CALB2: variants seen among roughly 807,000 people sequenced by gnomAD.
CALB2 encodes calbindin 2, also known as calretinin.
A neutral mutation model predicts 45.9 loss-of-function variants in CALB2; 34 were observed. The ratio of observed to expected loss-of-function variants is 0.74; its 90% CI spans 0.56 to 0.99. The LOEUF (loss-of-function observed/expected upper bound fraction) is 0.99, where lower values mean the gene tolerates loss of function less well. Among genes scored for constraint, CALB2 ranks in the 50% least tolerant of loss-of-function variants. The pLI, the probability that CALB2 is intolerant of heterozygous loss-of-function variation, is 0.00. For missense variants in CALB2, 344 were observed against 339.3 expected, an observed-to-expected ratio of 1.01 and a Z score of -0.11; for synonymous variants, 142 against 129.6, an observed-to-expected ratio of 1.10 and a Z score of -0.65.
At chr16:71,363,866 C>T (rs1434321880) in intron 1 of CALB2, among the ~76,000 whole-genome samples, 1 of 152,140 alleles carries the variant, frequency 6.6e-6, no homozygotes, top group Non-Finnish European at 1.5e-5. Flanking sequence ...ACACTGGGAA[C>T]CAAGATTAAA....
At chr16:71,388,799 G>T (rs191293512) in intron 10 of CALB2, among the ~76,000 whole-genome samples, 4 of 150,134 alleles carry the variant, frequency 2.7e-5, no homozygotes, top group Non-Finnish European at 5.9e-5. Context: ...TGGCCAACAT[G>T]GTGAAACCCC....
intron 3 of CALB2, among the ~76,000 whole-genome samples, chr16:71,375,104 G>A (rs1204223644): frequency 6.6e-6 from 1 of 152,236 alleles, no homozygotes; most frequent in African/African-American, 2.4e-5. Context: ...AAGTGGCAAG[G>A]CCAGCTGAAG....
At chr16:71,362,915 C>T (rs2042248577) in intron 1 of CALB2, among the ~76,000 whole-genome samples, 1 of 152,226 alleles carries the variant, frequency 6.6e-6, no homozygotes, top group Admixed American at 6.5e-5. Context: ...CACAGTGGCT[C>T]AGGCCTATAA....
At chr16:71,385,716 G>A (rs2042563239) in intron 10 of CALB2, 68 bp downstream of exon 10, 5 of 1,296,318 alleles carry the variant, frequency 3.9e-6, no homozygotes, top group East Asian at 2.3e-5. Context: ...CAGGAGAGGA[G>A]GGGAAAGGTG....
At chr16:71,366,333 T>G (rs1345244448) in intron 1 of CALB2, among the ~76,000 whole-genome samples, 11 of 42,882 alleles carry the variant, frequency 2.6e-4, no homozygotes, top group Non-Finnish European at 4.6e-4. Flanking sequence ...CCTTTTTTTT[T>G]TTTTTTTTTT....
intron 1 of CALB2, among the ~76,000 whole-genome samples, chr16:71,363,645 A>G (rs147738705): frequency 4.1e-4 from 62 of 152,376 alleles, no homozygotes; most frequent in Admixed American, 3.0e-3. Context: ...AGCACCTCTC[A>G]GAGATGAACG....
chr16:71,377,957 C>T (rs949752250), intron 4 of CALB2, among the ~76,000 whole-genome samples: 2 of 152,218 alleles, frequency 1.3e-5, no homozygotes, highest in African/African-American at 4.8e-5. Flanking sequence ...AGTGGTGGCT[C>T]ACGCCTTGTA....
intron 4 of CALB2, 23 bp from the exon 5 acceptor site, chr16:71,382,696 G>A: frequency 6.2e-7 from 1 of 1,609,076 alleles, no homozygotes; most frequent in Non-Finnish European, 8.5e-7. Flanking sequence ...TTTGCAAAGA[G>A]GTTGACATTC....
intron 10 of CALB2, among the ~76,000 whole-genome samples, chr16:71,388,423 G>C (rs1364507989): frequency 6.6e-6 from 1 of 151,948 alleles, no homozygotes; most frequent in Non-Finnish European, 1.5e-5. Context: ...AGAAAAGGTT[G>C]TTTAAGTCAT....
rs2042560755 is a variant in CALB2, at chr16:71,385,570, T to C, written c.628-7T>C. 11 of 1,613,778 alleles carry C rather than the reference T, an allele frequency of 6.8e-6. No homozygotes were observed. Among genetic ancestry groups the C allele is most frequent in the Non-Finnish European group, 9.3e-6 (11 of 1,179,888 alleles). ...GAGCTCTGGGTTGACTCTGCTCCCA[T>C]CCCCAGGATAGAAGCGGCTACATTG... is the stretch of plus-strand genomic sequence containing the variant. On this transcript the variant is annotated splice_polypyrimidine_tract_variant and splice_region_variant and intron_variant, in intron 9 of 10. Coordinates refer to ENST00000302628, the MANE Select transcript of CALB2 (RefSeq NM_001740.5).
At chr16:71,384,432 C>G (rs937389480) in intron 8 of CALB2, 54 bp downstream of exon 8, 10 of 1,469,252 alleles carry the variant, frequency 6.8e-6, no homozygotes, top group Non-Finnish European at 9.5e-6. Context: ...GAGCCTGGCC[C>G]TGCACCCTCC....
chr16:71,389,050 C>T (rs1267565783), intron 10 of CALB2, among the ~76,000 whole-genome samples: 4 of 135,076 alleles, frequency 3.0e-5, no homozygotes, highest in African/African-American at 8.5e-5. Context: ...GGGCCAGGTG[C>T]GGTGACTCAC....
chr16:71,382,118 G>A (rs184648009), intron 4 of CALB2, among the ~76,000 whole-genome samples: 1,115 of 61,876 alleles, frequency 0.018, 6 homozygotes, highest in Non-Finnish European at 0.026. Context: ...GGGAAGAAAG[G>A]AAGAAAAAGG....
chr16:71,369,563 C>T (rs2042323670), intron 1 of CALB2, among the ~76,000 whole-genome samples: 1 of 152,186 alleles, frequency 6.6e-6, no homozygotes, highest in South Asian at 2.1e-4. Flanking sequence ...CAGTTCCTTT[C>T]AGCCACCTCC....
chr16:71,387,108 ACT>A (rs1432432543), intron 10 of CALB2, among the ~76,000 whole-genome samples: 3 of 152,070 alleles, frequency 2.0e-5, no homozygotes, highest in South Asian at 4.1e-4. Context: ...TCTTCATGAG[ACT>A]CTGTCTTATA....
intron 1 of CALB2, among the ~76,000 whole-genome samples, chr16:71,363,269 A>G (rs928774824): frequency 6.6e-6 from 1 of 152,204 alleles, no homozygotes; most frequent in African/African-American, 2.4e-5. Flanking sequence ...AGAAATATGT[A>G]TATGTCTCCA....
intron 1 of CALB2, among the ~76,000 whole-genome samples, chr16:71,367,261 A>T (rs2042297494): frequency 6.6e-6 from 1 of 152,160 alleles, no homozygotes; most frequent in South Asian, 2.1e-4. Context: ...TTTGATAAGA[A>T]GTTAGAAGTG....
intron 1 of CALB2, among the ~76,000 whole-genome samples, chr16:71,359,293 G>T (rs2042214633): frequency 6.6e-6 from 1 of 152,140 alleles, no homozygotes; most frequent in South Asian, 2.1e-4. Context: ...TGCTAGGTTA[G>T]CCCCCTTACC....
chr16:71,384,331 C>A lies in CALB2; in HGVS notation c.534-8C>A. On this transcript the variant is annotated splice_polypyrimidine_tract_variant and splice_region_variant and intron_variant, in intron 7 of 10. Coordinates refer to ENST00000302628, the MANE Select transcript of CALB2 (RefSeq NM_001740.5). The stretch of plus-strand genomic sequence containing the variant: ...CTCCTCATCTCTGCTCTAACATTTT[C>A]TCCCCAGACTCCTGCCTGTCCAGGA... 6.2e-7 allele frequency: 1 copy of A among 1,612,964 alleles called. No homozygotes were observed. The highest frequency in any genetic ancestry group is 8.5e-7 in the Non-Finnish European group (1 of 1,179,234).
Sources: gnomAD v4.1 joint callset for allele counts (sites outside exome capture counted in the v4.1 genomes callset) on GRCh38, gnomAD v4.1.1 for gene constraint, MANE v1.5 for transcripts, NCBI Gene and HGNC (gene_info 2026-07-23, HGNC 2026-07-21) for gene names.